Variants in KDM4C observed in about 807,000 individuals in gnomAD.
KDM4C encodes the protein lysine-specific demethylase 4C.
A neutral mutation model predicts 129.3 loss-of-function variants in KDM4C; 81 were observed. That is an observed-to-expected ratio of 0.63 (90% CI 0.52 to 0.75). KDM4C has a LOEUF of 0.75. Ranked by LOEUF, KDM4C falls within the 30% of genes least tolerant of loss-of-function variation. KDM4C has a pLI of 0.00. For missense variants in KDM4C, 1,457 were observed against 1,304.0 expected (o/e 1.12, Z -1.81); for synonymous variants, 573 against 456.1 (o/e 1.26, Z -3.26).
chr9:6,871,655 C>G (rs1198152704), intron 5 of KDM4C, among the ~76,000 whole-genome samples: 1 of 152,062 alleles, frequency 6.6e-6, no homozygotes, highest in Non-Finnish European at 1.5e-5. Context: ...TGATGGTTTT[C>G]AAAGTATACA....
intron 8 of KDM4C, among the ~76,000 whole-genome samples, chr9:6,908,511 C>T (rs1016886750): frequency 2.6e-5 from 4 of 152,086 alleles, no homozygotes; most frequent in Admixed American, 6.5e-5. Context: ...TGGGAACGGG[C>T]GTCCACGGAA....
At chr9:6,767,166 T>C (rs1820790501) in intron 1 of KDM4C, among the ~76,000 whole-genome samples, 1 of 151,974 alleles carries the variant, frequency 6.6e-6, no homozygotes, top group South Asian at 2.1e-4. Context: ...TGAGATGGAG[T>C]CTCGCTGTGT....
At chr9:7,076,541 T>C (rs1564086163) in intron 17 of KDM4C, 4 of 1,534,284 alleles carry the variant, frequency 2.6e-6, no homozygotes, top group East Asian at 2.5e-5. Flanking sequence ...CCTCCGCCAC[T>C]GTTTCAGATG....
chr9:6,965,236 G>T (rs1830739065), intron 8 of KDM4C, among the ~76,000 whole-genome samples: 1 of 149,746 alleles, frequency 6.7e-6, no homozygotes, highest in Non-Finnish European at 1.5e-5. Flanking sequence ...AAGGCAAATT[G>T]CAAAGAAAAA....
chr9:6,994,914 C>T (rs779777622), intron 12 of KDM4C, among the ~76,000 whole-genome samples: 3 of 152,156 alleles, frequency 2.0e-5, no homozygotes, highest in Non-Finnish European at 4.4e-5. Flanking sequence ...ATGCAGCTGA[C>T]CCATTGTAGA....
At chr9:6,736,584 A>G (rs558568092) in intron 1 of KDM4C, among the ~76,000 whole-genome samples, 2 of 152,106 alleles carry the variant, frequency 1.3e-5, no homozygotes, top group Non-Finnish European at 2.9e-5. Context: ...TGTTGAGCCT[A>G]TGGGTGCACA....
intron 8 of KDM4C, among the ~76,000 whole-genome samples, chr9:6,914,228 A>G (rs1043864441): frequency 4.0e-5 from 6 of 151,768 alleles, no homozygotes; most frequent in South Asian, 2.1e-4. Context: ...TTCAGTTAAT[A>G]TTGTATTTTT....
intron 19 of KDM4C, among the ~76,000 whole-genome samples, chr9:7,142,161 G>C (rs780799125): frequency 1.3e-5 from 2 of 152,180 alleles, no homozygotes; most frequent in Non-Finnish European, 2.9e-5. Flanking sequence ...TCACTATATA[G>C]CTGATTCTAA....
intron 14 of KDM4C, among the ~76,000 whole-genome samples, chr9:7,014,618 A>AT (rs150812775): frequency 1.4e-3 from 208 of 152,282 alleles, no homozygotes; most frequent in Admixed American, 3.7e-3. Flanking sequence ...GGGATCTCAT[A>AT]TAATACAACT....
rs1000159650 is a variant in KDM4C, at chr9:6,762,657, A to T, written c.-18+4454A>T. On this transcript the variant is annotated intron_variant, in intron 1 of 21. Transcript: ENST00000381309. ...AATATATAATATAATATATTAGGTC[A>T]TTGTCTTTTTTTTTTTTTAAGATGG... 4.8e-5 allele frequency among the ~76,000 whole-genome samples: 7 copies of T among 147,348 alleles called. No homozygotes were observed. The South Asian group carries it at 1.5e-3, about 31-fold the overall frequency.
chr9:6,888,133 C>A, intron 7 of KDM4C, 70 bp downstream of exon 7: 1 of 737,336 alleles, frequency 1.4e-6, no homozygotes, highest in Non-Finnish European at 2.1e-6. Flanking sequence ...AGTAATGTAT[C>A]TTTAACTTCC....
intron 8 of KDM4C, chr9:6,893,732 A>G (rs958105622): frequency 1.3e-5 from 2 of 152,272 alleles, no homozygotes; most frequent in African/African-American, 4.8e-5. Flanking sequence ...TGTAGAACAC[A>G]TTTTAACAGG....
At chr9:6,828,588 G>A (rs1834277457) in intron 4 of KDM4C, among the ~76,000 whole-genome samples, 1 of 137,932 alleles carries the variant, frequency 7.2e-6, no homozygotes, top group Non-Finnish European at 1.5e-5. Context: ...ATTTGGGGTG[G>A]GGCCAGGTGC....
intron 3 of KDM4C, among the ~76,000 whole-genome samples, chr9:6,808,114 T>G (rs1461110194): frequency 5.0e-5 from 1 of 19,852 alleles, no homozygotes; most frequent in Non-Finnish European, 9.6e-5. Flanking sequence ...GTCCGGGAGG[T>G]GAGGGGCGCC....
intron 4 of KDM4C, among the ~76,000 whole-genome samples, chr9:6,820,276 G>A (rs1832795768): frequency 6.6e-6 from 1 of 152,164 alleles, no homozygotes; most frequent in African/African-American, 2.4e-5. Flanking sequence ...CCAGTGAAAG[G>A]AGAGAGAGTG....
intron 2 of KDM4C, among the ~76,000 whole-genome samples, chr9:6,799,444 A>C (rs1828480439): frequency 2.0e-5 from 3 of 152,166 alleles, no homozygotes. Context: ...GCGCGTCTGC[A>C]ATCGCAGGCA....
chr9:6,985,909 T>C (rs1160987360), intron 10 of KDM4C, among the ~76,000 whole-genome samples: 1 of 152,204 alleles, frequency 6.6e-6, no homozygotes, highest in Non-Finnish European at 1.5e-5. Flanking sequence ...CAGGCTGATC[T>C]TGAACTTCTG....
At chr9:6,993,383 T>G (rs923925421) in intron 12 of KDM4C, among the ~76,000 whole-genome samples, 1 of 152,206 alleles carries the variant, frequency 6.6e-6, no homozygotes, top group African/African-American at 2.4e-5. Flanking sequence ...TTTCTAAGGT[T>G]AGGCAGCTGG....
intron 8 of KDM4C, among the ~76,000 whole-genome samples, chr9:6,956,144 G>C (rs897864388): frequency 6.6e-6 from 1 of 152,130 alleles, no homozygotes; most frequent in Non-Finnish European, 1.5e-5. Flanking sequence ...GATGGTTAAT[G>C]GGTACAAAAA....
Sources: gnomAD v4.1 joint callset for allele counts (sites outside exome capture counted in the v4.1 genomes callset) on GRCh38, gnomAD v4.1.1 for gene constraint, MANE v1.5 for transcripts, NCBI Gene and HGNC (gene_info 2026-07-23, HGNC 2026-07-21) for gene names.